Variants in OPCML observed in about 807,000 individuals in gnomAD.
OPCML encodes the protein opioid binding protein/cell adhesion molecule like, also known as opioid-binding protein/cell adhesion molecule.
OPCML carries 13 observed loss-of-function variants against 37.8 expected under a neutral mutation model. The ratio of observed to expected loss-of-function variants is 0.34; its 90% CI spans 0.22 to 0.55. OPCML has a LOEUF of 0.55. Among genes scored for constraint, OPCML ranks in the 20% least tolerant of loss-of-function variants. The pLI is 0.91. For missense variants in OPCML, 341 were observed against 435.6 expected (o/e 0.78, Z 1.93); for synonymous variants, 176 against 168.8 (o/e 1.04, Z -0.33).
At chr11:133,180,573 T>C (rs1032362170) in intron 1 of OPCML, among the ~76,000 whole-genome samples, 14 of 152,098 alleles carry the variant, frequency 9.2e-5, no homozygotes, top group African/African-American at 3.1e-4. Context: ...ACCTTTCAAC[T>C]TGAAGAAGGG....
At chr11:132,491,944 T>C (rs2096217407) in intron 4 of OPCML, among the ~76,000 whole-genome samples, 1 of 151,350 alleles carries the variant, frequency 6.6e-6, no homozygotes, top group Non-Finnish European at 1.5e-5. Flanking sequence ...TTTTTTTTTT[T>C]TTACTATCCA....
chr11:133,261,631 A>C (rs181988527), intron 1 of OPCML, among the ~76,000 whole-genome samples: 2 of 152,160 alleles, frequency 1.3e-5, no homozygotes, highest in African/African-American at 4.8e-5. Context: ...GGCTCTCACC[A>C]TTTTTGTTCG....
chr11:133,304,274 G>A (rs1942856472), intron 1 of OPCML, among the ~76,000 whole-genome samples: 1 of 152,156 alleles, frequency 6.6e-6, no homozygotes, highest in Non-Finnish European at 1.5e-5. Context: ...AACAATAAGA[G>A]GGATGCAAGG....
chr11:133,453,488 C>T (rs1946618049), intron 1 of OPCML, among the ~76,000 whole-genome samples: 1 of 152,168 alleles, frequency 6.6e-6, no homozygotes, highest in South Asian at 2.1e-4. Flanking sequence ...TATCTTATTT[C>T]TCCTCTGACA....
intron 1 of OPCML, among the ~76,000 whole-genome samples, chr11:132,994,850 G>A (rs546073063): frequency 1.3e-5 from 2 of 152,298 alleles, no homozygotes; most frequent in Admixed American, 6.5e-5. Context: ...CCTCAGGAAC[G>A]CTTAATGGAT....
chr11:133,111,089 G>A (rs1949245508), intron 1 of OPCML, among the ~76,000 whole-genome samples: 1 of 152,172 alleles, frequency 6.6e-6, no homozygotes, highest in African/African-American at 2.4e-5. Flanking sequence ...GTCAAAGTTA[G>A]CAACATTATT....
intron 4 of OPCML, among the ~76,000 whole-genome samples, chr11:132,508,476 A>T (rs552066081): frequency 6.8e-4 from 102 of 150,048 alleles, no homozygotes; most frequent in African/African-American, 2.4e-3. Context: ...AAAACATTGG[A>T]CAAAATGGAA....
chr11:133,316,966 G>A (rs1943217915), intron 1 of OPCML, among the ~76,000 whole-genome samples: 1 of 152,322 alleles, frequency 6.6e-6, no homozygotes, highest in Middle Eastern at 3.4e-3. Flanking sequence ...GGGAGGCCAA[G>A]GTGGGCAGAT....
At chr11:133,412,045 A>G (rs1945663260) in intron 1 of OPCML, among the ~76,000 whole-genome samples, 1 of 152,198 alleles carries the variant, frequency 6.6e-6, no homozygotes, top group Non-Finnish European at 1.5e-5. Context: ...TCCAAGAGGA[A>G]ACACGTGGCA....
intron 4 of OPCML, among the ~76,000 whole-genome samples, chr11:132,459,326 C>G (rs994312565): frequency 3.3e-5 from 5 of 151,858 alleles, no homozygotes; most frequent in Middle Eastern, 3.4e-3. Flanking sequence ...GGGTCTTGTG[C>G]TTGGAGAAGG....
At chr11:132,762,449 G>T (rs1321407856) in intron 2 of OPCML, among the ~76,000 whole-genome samples, 1 of 152,350 alleles carries the variant, frequency 6.6e-6, no homozygotes, top group East Asian at 1.9e-4. Flanking sequence ...CCAGGGAGAT[G>T]GGAGTTTTAT....
At chr11:133,470,712 C>T (rs571870575) in intron 1 of OPCML, among the ~76,000 whole-genome samples, 1 of 152,268 alleles carries the variant, frequency 6.6e-6, no homozygotes, top group Admixed American at 6.5e-5. Context: ...TTTGGCAGAC[C>T]CCAACTATTG....
intron 1 of OPCML, among the ~76,000 whole-genome samples, chr11:133,343,515 G>A (rs1165485113): frequency 1.3e-5 from 2 of 152,130 alleles, no homozygotes; most frequent in Admixed American, 1.3e-4. Flanking sequence ...CACACAATTT[G>A]ACTCTCAGAG....
At chr11:133,103,944 T>G (rs1363667662) in intron 1 of OPCML, among the ~76,000 whole-genome samples, 1 of 152,226 alleles carries the variant, frequency 6.6e-6, no homozygotes, top group Non-Finnish European at 1.5e-5. Flanking sequence ...ACTAATGATG[T>G]TAATGAGCCT....
chr11:133,301,988 G>C (rs537964436), intron 1 of OPCML: 1 of 152,238 alleles, frequency 6.6e-6, no homozygotes, highest in South Asian at 2.1e-4. Flanking sequence ...TTTTGTTGGA[G>C]ACATAAAAAG....
chr11:133,408,397 A>G (rs1945568270), intron 1 of OPCML, among the ~76,000 whole-genome samples: 1 of 152,256 alleles, frequency 6.6e-6, no homozygotes, highest in Admixed American at 6.5e-5. Context: ...AAAACAAACT[A>G]TTAGAAAGAT....
intron 2 of OPCML, among the ~76,000 whole-genome samples, chr11:132,724,115 C>T (rs2135987842): frequency 6.6e-6 from 1 of 152,238 alleles, no homozygotes; most frequent in South Asian, 2.1e-4. Flanking sequence ...AGCACAAGGG[C>T]ATTTCAGAGG....
intron 1 of OPCML, among the ~76,000 whole-genome samples, chr11:133,495,062 C>T (rs1425277377): frequency 1.6e-4 from 24 of 152,102 alleles, no homozygotes; most frequent in Admixed American, 1.6e-3. Flanking sequence ...CCCCCTGCCA[C>T]TCTTTCCCCC....
chr11:132,869,835 A>T (rs1416888085), intron 2 of OPCML, among the ~76,000 whole-genome samples: 2 of 152,216 alleles, frequency 1.3e-5, no homozygotes, highest in African/African-American at 4.8e-5. Flanking sequence ...ATTAGGCTGT[A>T]CTGGCAGGTC....
Sources: allele counts gnomAD v4.1 joint callset (sites outside exome capture counted in the v4.1 genomes callset), GRCh38; gene constraint gnomAD v4.1.1; transcripts MANE v1.5; gene names NCBI Gene and HGNC (gene_info 2026-07-23, HGNC 2026-07-21).